Variants in CREBBP observed in about 807,000 individuals in gnomAD.
The protein encoded by CREBBP is CREB binding lysine acetyltransferase.
In CREBBP, 19 loss-of-function variants were observed where a neutral mutation model predicts 265.0. That is an observed-to-expected ratio of 0.07 (90% CI 0.05 to 0.11). CREBBP has a LOEUF of 0.11. Among genes scored for constraint, CREBBP ranks in the 10% least tolerant of loss-of-function variants. The pLI is 1.00. For synonymous variants in CREBBP, 1,457 were observed against 1,223.7 expected, an observed-to-expected ratio of 1.19 and a Z score of -3.98; for missense variants, 2,525 against 3,219.0, an observed-to-expected ratio of 0.78 and a Z score of 5.22.
chr16:3,793,776 T>A, intron 3 of CREBBP, 150 bp from the exon 4 acceptor site: 2 of 941,856 alleles, frequency 2.1e-6, no homozygotes, highest in Non-Finnish European at 3.2e-6. Flanking sequence ...CTGATGACTT[T>A]AAGAAGATCC....
At chr16:3,872,767 C>G (rs1467909193) in intron 1 of CREBBP, among the ~76,000 whole-genome samples, 1 of 152,236 alleles carries the variant, frequency 6.6e-6, no homozygotes, top group Non-Finnish European at 1.5e-5. Context: ...AGGAAACAAA[C>G]TGTCATGGTC....
At chr16:3,866,232 C>G (rs2055176824) in intron 1 of CREBBP, among the ~76,000 whole-genome samples, 1 of 152,202 alleles carries the variant, frequency 6.6e-6, no homozygotes, top group Non-Finnish European at 1.5e-5. Context: ...ACCCAACGCT[C>G]ACACAGGGAA....
At chr16:3,834,382 T>C (rs1011928760) in intron 2 of CREBBP, among the ~76,000 whole-genome samples, 7 of 152,140 alleles carry the variant, frequency 4.6e-5, no homozygotes, top group Admixed American at 2.0e-4. Context: ...AAAGGGATAA[T>C]TGCCATGAAA....
At chr16:3,835,385 G>C (rs1346443251) in intron 2 of CREBBP, among the ~76,000 whole-genome samples, 1 of 151,682 alleles carries the variant, frequency 6.6e-6, no homozygotes, top group Non-Finnish European at 1.5e-5. Context: ...ATCCTTACGT[G>C]GCAAGCCATA....
chr16:3,790,459 C>T (rs2053481981), intron 5 of CREBBP, among the ~76,000 whole-genome samples: 1 of 150,712 alleles, frequency 6.6e-6, no homozygotes, highest in African/African-American at 2.4e-5. Context: ...ACCGCAACCT[C>T]CACCTCCCAG....
At chr16:3,875,255 G>C (rs921216406) in intron 1 of CREBBP, among the ~76,000 whole-genome samples, 2 of 152,124 alleles carry the variant, frequency 1.3e-5, no homozygotes, top group Non-Finnish European at 2.9e-5. Flanking sequence ...ACTTGTCCTT[G>C]CCTACCTTCA....
rs1045210498 is a variant in CREBBP, at chr16:3,770,499, C to T, written c.2880+71G>A. 2.6e-6 allele frequency: 4 copies of T among 1,562,056 alleles called. No homozygotes were observed. In the African/African-American group the frequency reaches 5.4e-5, roughly 21 times the overall value. On this transcript the variant is annotated intron_variant, in intron 14 of 30. Transcript: ENST00000262367. The stretch of plus-strand genomic sequence containing the variant: ...GTGTGAACCACCGCGCCTGGCCTGA[C>T]ACACAATTTTTATGGGAAAATTATC...
Position 3,727,708 on chromosome 16 carries a change from T to C in CREBBP, c.*10A>G, listed in dbSNP as rs780837684. ...GAACATGAAAGGGAAAAGGTGATGC[T>C]CTCACAATGCTACAAGCCCTCCACA... On this transcript the variant is annotated 3_prime_UTR_variant, in exon 31 of 31. Coordinates refer to ENST00000262367, the MANE Select transcript of CREBBP (RefSeq NM_004380.3). 6.2e-7 allele frequency: 1 copy of C among 1,613,880 alleles called. No individual in the cohort carries two copies. Among genetic ancestry groups the C allele is most frequent in the Admixed American group, 1.7e-5 (1 of 59,990 alleles).
At chr16:3,750,847 T>C (rs560665812) in intron 20 of CREBBP, among the ~76,000 whole-genome samples, 41 of 152,280 alleles carry the variant, frequency 2.7e-4, no homozygotes, top group Non-Finnish European at 2.4e-4. Flanking sequence ...TAAGTGGAGA[T>C]AAACTAAATG....
intron 2 of CREBBP, among the ~76,000 whole-genome samples, chr16:3,819,253 G>T (rs374643552): frequency 2.0e-5 from 3 of 152,244 alleles, no homozygotes; most frequent in East Asian, 3.8e-4. Context: ...ACTTGCTAGG[G>T]ATTTACTTAA....
intron 1 of CREBBP, among the ~76,000 whole-genome samples, chr16:3,860,424 A>ATCAG (rs1399088493): frequency 6.6e-6 from 1 of 152,038 alleles, no homozygotes; most frequent in African/African-American, 2.4e-5. Flanking sequence ...GGCTCACTGT[A>ATCAG]GCCTCAAACT....
At chr16:3,783,469 C>T (rs550017682) in intron 5 of CREBBP, among the ~76,000 whole-genome samples, 2 of 152,330 alleles carry the variant, frequency 1.3e-5, no homozygotes, top group East Asian at 3.9e-4. Context: ...CACATAATTG[C>T]AAGTCCTTGA....
intron 2 of CREBBP, among the ~76,000 whole-genome samples, chr16:3,815,550 ATTT>A (rs1166085466): frequency 7.4e-6 from 1 of 134,870 alleles, no homozygotes; most frequent in Non-Finnish European, 1.6e-5. Context: ...AAAAAAAAAA[ATTT>A]TTTTTTTTTT....
chr16:3,828,618 G>A (rs1360089286), intron 2 of CREBBP, among the ~76,000 whole-genome samples: 1 of 152,092 alleles, frequency 6.6e-6, no homozygotes, highest in Non-Finnish European at 1.5e-5. Context: ...GGGAAAACCT[G>A]ACCCACACAC....
chr16:3,811,166 G>A (rs2053931843), intron 2 of CREBBP, among the ~76,000 whole-genome samples: 2 of 152,088 alleles, frequency 1.3e-5, no homozygotes, highest in African/African-American at 2.4e-5. Context: ...TTTCTGTTAG[G>A]TTCCCCATCA....
chr16:3,735,980 C>T (rs2052047266), intron 28 of CREBBP, 56 bp downstream of exon 28: 9 of 1,613,970 alleles, frequency 5.6e-6, no homozygotes, highest in Non-Finnish European at 7.6e-6. Context: ...CCCAGCCTGC[C>T]ACCCTGCAGC....
At chr16:3,806,747 C>A (rs1021749890) in intron 3 of CREBBP, among the ~76,000 whole-genome samples, 6 of 152,156 alleles carry the variant, frequency 3.9e-5, no homozygotes, top group Non-Finnish European at 8.8e-5. Flanking sequence ...ACCCTGTAAG[C>A]CGATGGCCCA....
intron 2 of CREBBP, among the ~76,000 whole-genome samples, chr16:3,814,651 G>A (rs118049463): frequency 6.6e-6 from 1 of 152,196 alleles, no homozygotes; most frequent in East Asian, 1.9e-4. Flanking sequence ...TTGGCCATCA[G>A]ATAAGAGAGT....
intron 1 of CREBBP, among the ~76,000 whole-genome samples, chr16:3,869,081 C>T (rs796069807): frequency 1.4e-4 from 22 of 152,288 alleles, no homozygotes; most frequent in African/African-American, 5.3e-4. Flanking sequence ...GAGTGCTGTT[C>T]CCTCTGCCTG....
Sources: gnomAD v4.1 joint callset for allele counts (sites outside exome capture counted in the v4.1 genomes callset) on GRCh38, gnomAD v4.1.1 for gene constraint, MANE v1.5 for transcripts, NCBI Gene and HGNC (gene_info 2026-07-23, HGNC 2026-07-21) for gene names.